The following ACTR3C variants were observed in gnomAD, a reference collection of about 807,000 sequenced individuals.
ACTR3C encodes actin-related protein 3C.
In ACTR3C, 18 loss-of-function variants were observed where a neutral mutation model predicts 26.3. The ratio of observed to expected loss-of-function variants is 0.68; its 90% CI spans 0.47 to 1.01. The LOEUF is 1.01. ACTR3C is among the 50% of genes least tolerant of loss of function. The probability of loss-of-function intolerance (pLI) is 0.00; values close to 1 mark genes in which losing one functional copy is unlikely to be tolerated. For synonymous variants in ACTR3C, 55 were observed against 94.5 expected (o/e 0.58, Z 2.42); for missense variants, 184 against 250.7 (o/e 0.73, Z 1.80).
chr7:150,185,818 G>T, the ACTR3C span, among the ~76,000 whole-genome samples: 9 of 152,276 alleles, frequency 5.9e-5, no homozygotes, highest in African/African-American at 1.9e-4. Flanking sequence ...TCCTACAGAA[G>T]AACCACAACC....
intron 3 of ACTR3C, among the ~76,000 whole-genome samples, chr7:150,290,836 ATATTC>A (rs1563186279): frequency 6.6e-6 from 1 of 152,262 alleles, no homozygotes; most frequent in Non-Finnish European, 1.5e-5. Context: ...CACAATTACT[ATATTC>A]TATGCATTAC....
chr7:149,911,951 A>G, the ACTR3C span, among the ~76,000 whole-genome samples: 5 of 150,458 alleles, frequency 3.3e-5, no homozygotes, highest in African/African-American at 1.2e-4. Context: ...TCGAGGTTGC[A>G]GTGAACTATG....
chr7:149,891,287 A>G, the ACTR3C span: 2 of 1,201,896 alleles, frequency 1.7e-6, no homozygotes, highest in Non-Finnish European at 1.2e-6. Context: ...CAATGATTCC[A>G]TGTCGTATCG....
At chr7:150,169,566 T>A in the ACTR3C span, among the ~76,000 whole-genome samples, 2 of 149,988 alleles carry the variant, frequency 1.3e-5, no homozygotes, top group African/African-American at 5.1e-5. Flanking sequence ...GGGAAAAAAA[T>A]GAATGCTGTT....
intron 4 of ACTR3C, 33 bp downstream of exon 4, chr7:150,289,417 C>T (rs2286446): frequency 0.047 from 68,645 of 1,474,718 alleles, 7,220 homozygotes; most frequent in African/African-American, 0.2. Flanking sequence ...TCTCTCTCAC[C>T]CCCAAACCAG....
At chr7:150,179,366 C>G in the ACTR3C span, among the ~76,000 whole-genome samples, 5 of 140,880 alleles carry the variant, frequency 3.5e-5, no homozygotes, top group South Asian at 1.1e-3. Flanking sequence ...TAGAGGTTCC[C>G]GTAAGAAATA....
At chr7:149,919,246 T>G in the ACTR3C span, among the ~76,000 whole-genome samples, 1 of 152,134 alleles carries the variant, frequency 6.6e-6, no homozygotes, top group Non-Finnish European at 1.5e-5. Flanking sequence ...AACCATCCTT[T>G]TGCTTTTTTT....
the ACTR3C span, among the ~76,000 whole-genome samples, chr7:150,204,800 G>A: frequency 6.8e-3 from 1,037 of 152,182 alleles, 2 homozygotes; most frequent in Middle Eastern, 0.014. Context: ...GGCCAGGGAG[G>A]ACCAGCGAGT....
chr7:150,245,482 C>T (rs909352334), downstream of ACTR3C: 49 of 152,196 alleles, frequency 3.2e-4, no homozygotes, highest in African/African-American at 1.2e-3. Context: ...AACAGAAGGC[C>T]GGAGGGCCAC....
chr7:149,885,357 G>T, the ACTR3C span, among the ~76,000 whole-genome samples: 4 of 152,208 alleles, frequency 2.6e-5, no homozygotes, highest in Admixed American at 6.5e-5. Flanking sequence ...ACCCCAGCAA[G>T]AAGTAAGCCC....
chr7:150,165,161 C>T, the ACTR3C span, among the ~76,000 whole-genome samples: 3 of 152,330 alleles, frequency 2.0e-5, no homozygotes, highest in African/African-American at 4.8e-5. Flanking sequence ...TTCAACATCT[C>T]GGTATTGCCA....
chr7:149,993,574 A>G, the ACTR3C span, among the ~76,000 whole-genome samples: 1 of 152,050 alleles, frequency 6.6e-6, no homozygotes, highest in Non-Finnish European at 1.5e-5. Flanking sequence ...AACAGGACAG[A>G]AGGAAGAGGC....
chr7:149,883,722 A>G, the ACTR3C span, among the ~76,000 whole-genome samples: 1 of 152,152 alleles, frequency 6.6e-6, no homozygotes, highest in Non-Finnish European at 1.5e-5. Context: ...AGCCACGATA[A>G]TTCTCCAGAC....
the ACTR3C span, among the ~76,000 whole-genome samples, chr7:149,899,964 C>CA: frequency 1.2e-3 from 91 of 73,084 alleles, 1 homozygote; most frequent in African/African-American, 2.9e-3. Context: ...CACACACACA[C>CA]CAAAAAAAAA....
chr7:150,174,885 G>A, the ACTR3C span, among the ~76,000 whole-genome samples: 1 of 146,290 alleles, frequency 6.8e-6, no homozygotes, highest in African/African-American at 2.8e-5. Flanking sequence ...ATGTTACTGG[G>A]TCAGAATACT....
At chr7:150,023,417 T>G in the ACTR3C span, among the ~76,000 whole-genome samples, 3 of 147,844 alleles carry the variant, frequency 2.0e-5, no homozygotes, top group Admixed American at 2.0e-4. Context: ...CACTGCAACC[T>G]CCTCCTCCCA....
chr7:150,178,546 AATG>A, the ACTR3C span, among the ~76,000 whole-genome samples: 1 of 150,368 alleles, frequency 6.7e-6, no homozygotes, highest in Non-Finnish European at 1.5e-5. Context: ...GGCCTCCCAA[AATG>A]ATGAGATTAC....
At chr7:150,038,538 C>T in the ACTR3C span, among the ~76,000 whole-genome samples, 1 of 145,128 alleles carries the variant, frequency 6.9e-6, no homozygotes, top group Non-Finnish European at 1.5e-5. Flanking sequence ...CTACAAAACC[C>T]CACAGCTCCT....
chr7:149,886,258 T>C, the ACTR3C span, among the ~76,000 whole-genome samples: 1 of 152,232 alleles, frequency 6.6e-6, no homozygotes, highest in Non-Finnish European at 1.5e-5. Context: ...TGCTTTTATA[T>C]GTGAGACAGG....
Sources: gnomAD v4.1 joint callset for allele counts (sites outside exome capture counted in the v4.1 genomes callset) on GRCh38, gnomAD v4.1.1 for gene constraint, MANE v1.5 for transcripts, NCBI Gene and HGNC (gene_info 2026-07-23, HGNC 2026-07-21) for gene names.